The following TTN variants were observed in gnomAD, a reference collection of about 807,000 sequenced individuals.
TTN encodes titin, also known as connectin.
TTN carries 1,525 observed loss-of-function variants against 3,223.0 expected under a neutral mutation model. That is an observed-to-expected ratio of 0.47 (90% confidence interval 0.45 to 0.49). TTN has a LOEUF of 0.49. TTN is among the 20% of genes least tolerant of loss of function. The pLI is 0.00. For synonymous variants in TTN, 14,094 were observed against 15,161.0 expected (o/e 0.93, Z 5.17); for missense variants, 40,786 against 43,424.0 (o/e 0.94, Z 5.40).
chr2:178,612,966 A>T lies in TTN; in HGVS notation c.49755T>A (p.Ser16585=). 6.2e-7 allele frequency: 1 copy of T among 1,612,710 alleles called. No individual in the cohort carries two copies. Among genetic ancestry groups the T allele is most frequent in the Non-Finnish European group, 8.5e-7 (1 of 1,179,252 alleles). Residue 16585 remains serine (S), a synonymous_variant, in exon 265 of 363, where the codon TCT becomes TCA. Transcript: ENST00000589042. ...CAGTCTTCAGCATTTCAATGACATA[A>T]GACTCAATCTTTGCACCTCCATCAT... is the stretch of plus-strand genomic sequence containing the variant. ...PEHDGGAKIE[S]YVIEMLKTGT...
chr2:178,571,218 C>T lies in TTN; in HGVS notation c.74914G>A (p.Gly24972Ser). ...TCATATTCAACACCTTCTTCAAGGC[C>T]AGTTGTCTTAAACTTGGTTTGAGGA... is the stretch of plus-strand genomic sequence containing the variant. ...PIPQTKFKTT[G>S]LEEGVEYEFR... Residue 24972 changes from glycine (G) to serine (S), a missense_variant, in exon 326 of 363, where the codon GGC becomes AGC. Transcript: ENST00000589042. 1 of 1,613,548 alleles carries T rather than the reference C, an allele frequency of 6.2e-7. No individual in the cohort carries two copies. Among genetic ancestry groups the T allele is most frequent in the Non-Finnish European group, 8.5e-7 (1 of 1,179,634 alleles).
At chr2:178,731,613 T>C (rs1276609307) in intron 58 of TTN, 30 bp from the exon 59 acceptor site, 3 of 1,577,742 alleles carry the variant, frequency 1.9e-6, no homozygotes, top group Non-Finnish European at 1.7e-6. Flanking sequence ...TCAATCAATA[T>C]TATCCCTATA....
At chr2:178,775,230 G>C in intron 28 of TTN, 28 bp from the exon 29 acceptor site, 1 of 1,613,362 alleles carries the variant, frequency 6.2e-7, no homozygotes, top group South Asian at 1.1e-5. Context: ...GGGAAAAAGG[G>C]GAGAGCACAT....
At chr2:178,698,420 T>C (rs1448209778) in intron 112 of TTN, among the ~76,000 whole-genome samples, 1 of 152,228 alleles carries the variant, frequency 6.6e-6, no homozygotes, top group Non-Finnish European at 1.5e-5. Flanking sequence ...AGGTGATGGA[T>C]ATGTTAATTG....
rs1176494176 is a variant in TTN, at chr2:178,789,362, T to C, written c.2074A>G (p.Lys692Glu). 6.2e-6 allele frequency: 10 copies of C among 1,613,290 alleles called. No homozygotes were observed. Among genetic ancestry groups the C allele is most frequent in the Non-Finnish European group, 8.5e-6 (10 of 1,179,362 alleles). The change falls in exon 13 of 363, where the codon AAG (lysine) becomes GAG (glutamate). Residue 692 changes from lysine to glutamate, a missense_variant and splice_region_variant. Coordinates refer to ENST00000589042, the MANE Select transcript of TTN (RefSeq NM_001267550.2). ...ACACTTGGAACAACAATAGTCACCTTTCCATGGGTAACTTGGATTTGTTCT... is the reference window on the plus strand; with the variant it reads ...ACACTTGGAACAACAATAGTCACCTCTCCATGGGTAACTTGGATTTGTTCT... ...RQEQIQVTHG[K>E]VDVGKKAEAV...
At position 178,532,691 on chromosome 2, in the gene TTN, GAGA is replaced by G. The variant is rs774574734; in HGVS notation, c.103921_103923del (p.Ser34641del). ...GGTCGGTAGTAAAAGTCATAATCAGGAGAAGGTGTACGCCGGCGGGCTGGTCTC... is the reference window on the plus strand; with the variant it reads ...GGTCGGTAGTAAAAGTCATAATCAGGAGGTGTACGCCGGCGGGCTGGTCTC... On this transcript the variant is annotated inframe_deletion, in exon 358 of 363. Transcript: ENST00000589042. 6 of 1,613,798 alleles carry G rather than the reference GAGA, an allele frequency of 3.7e-6. No individual in the cohort carries two copies. The highest frequency in any genetic ancestry group is 5.1e-6 in the Non-Finnish European group (6 of 1,179,732).
Position 178,784,317 on chromosome 2 carries a change from T to C in TTN, c.2528A>G (p.Gln843Arg). 1.2e-6 allele frequency: 2 copies of C among 1,614,106 alleles called. No homozygotes were observed. The highest frequency in any genetic ancestry group is 1.7e-6 in the Non-Finnish European group (2 of 1,179,998). ...SIAGSAIATL[Q>R]KELSATSSAQ... ...AGAAGATGTGGCTGACAACTCTTTT[T>C]GTAATGTGGCAATAGCACTACCGGC... Residue 843 changes from glutamine to arginine, a missense_variant, in exon 16 of 363, where the codon CAA becomes CGA. By Grantham distance (43) the Gln-to-Arg change is conservative (BLOSUM62 1). Coordinates refer to ENST00000589042, the MANE Select transcript of TTN (RefSeq NM_001267550.2).
chr2:178,635,703 T>C lies in TTN; in HGVS notation c.41621A>G (p.Asp13874Gly). ...SCVKVVEVIR[D>G]WLVKPIRDQH... Reference sequence around the variant, plus strand: ...GTCTCGTATAGGTTTCACCAGCCAATCTCTAATGACTTCTATATGAAAATA... The same window carrying C: ...GTCTCGTATAGGTTTCACCAGCCAACCTCTAATGACTTCTATATGAAAATA... Residue 13874 changes from aspartate to glycine, a missense_variant, in exon 227 of 363, where the codon GAT (aspartate) becomes GGT (glycine). Asp to Gly is a moderately conservative substitution (Grantham distance 94, BLOSUM62 -1). Transcript: ENST00000589042. 1 of 1,600,572 alleles carries C rather than the reference T, an allele frequency of 6.2e-7. No homozygotes were observed. Among genetic ancestry groups the C allele is most frequent in the Non-Finnish European group, 8.5e-7 (1 of 1,173,276 alleles).
rs762702501 is a variant in TTN, at chr2:178,572,576, GTATCGAGAACTC to G, written c.73544_73555del (p.Arg24515_Asp24518del). The G allele has an allele frequency of 6.2e-7, 1 of 1,613,420 alleles. No homozygotes were observed. Among genetic ancestry groups the G allele is most frequent in the African/African-American group, 1.3e-5 (1 of 74,996 alleles). ...CTTCAGATCCTGTGGGGGGCCTGGTGTATCGAGAACTCTAACATTGACAAATGCAGACTTGCT... is the reference window on the plus strand; with the variant it reads ...CTTCAGATCCTGTGGGGGGCCTGGTGTAACATTGACAAATGCAGACTTGCT... On this transcript the variant is annotated inframe_deletion, in exon 326 of 363. Coordinates refer to ENST00000589042, the MANE Select transcript of TTN (RefSeq NM_001267550.2).
At position 178,727,247 on chromosome 2, in the gene TTN, A is replaced by T; in HGVS notation, c.20118T>A (p.His6706Gln). 6.2e-7 allele frequency: 1 copy of T among 1,613,220 alleles called. No individual in the cohort carries two copies. Among genetic ancestry groups the T allele is most frequent in the Non-Finnish European group, 8.5e-7 (1 of 1,179,434 alleles). ...EIRVVWFRNE[H>Q]ELPASDKYRM... The stretch of plus-strand genomic sequence containing the variant: ...TGTACTTATCACTGGCTGGAAGTTC[A>T]TGTTCATTTCGGAACCACACAACTC... The change falls in exon 69 of 363, where the codon CAT (histidine) becomes CAA (glutamine). Residue 6706 changes from histidine (H) to glutamine (Q), a missense_variant. By Grantham distance (24) the His-to-Gln change is conservative. Transcript: ENST00000589042.
Position 178,566,564 on chromosome 2 carries a change from A to G in TTN, c.79568T>C (p.Val26523Ala). 6.2e-7 allele frequency: 1 copy of G among 1,613,018 alleles called. No individual in the cohort carries two copies. The highest frequency in any genetic ancestry group is 8.5e-7 in the Non-Finnish European group (1 of 1,179,688). The change falls in exon 326 of 363, where the codon GTA becomes GCA. Residue 26523 changes from valine (V) to alanine (A), a missense_variant. Transcript: ENST00000589042. ...YDGGSEILGYVVEICKADEEE... is the reference protein window; with the variant it reads ...YDGGSEILGYAVEICKADEEE... ...TTCATCTGCTTTACAGATTTCTACT[A>G]CATATCCCAAGATCTCACTGCCGCC... is the stretch of plus-strand genomic sequence containing the variant.
chr2:178,799,442 A>G, intron 6 of TTN, 45 bp downstream of exon 6: 2 of 1,613,220 alleles, frequency 1.2e-6, no homozygotes, highest in African/African-American at 1.3e-5. Context: ...TTCAAAACCT[A>G]GTTCCAAAAT....
At chr2:178,738,862 G>A (rs2081987740) in intron 48 of TTN, among the ~76,000 whole-genome samples, 1 of 152,098 alleles carries the variant, frequency 6.6e-6, no homozygotes, top group Non-Finnish European at 1.5e-5. Context: ...ATCTTCATAT[G>A]AAAATTAACT....
rs1008595479 is a variant in TTN, at chr2:178,739,387, C to G, written c.13846G>C (p.Val4616Leu). The change falls in exon 48 of 363, where the codon GTT (valine) becomes CTT (leucine). Residue 4616 changes from valine (V) to leucine (L), a missense_variant. By Grantham distance (32) the Val-to-Leu change is conservative (BLOSUM62 1). Transcript: ENST00000589042. ...PMIHTPLVDT[V>L]SEEGDIVHLT... ...TGTACAATATCACCTTCCTCAGAAA[C>G]AGTGTCCACTAAAGGTGTATGTATC... 1 of 1,613,870 alleles carries G rather than the reference C, an allele frequency of 6.2e-7. No homozygotes were observed. Among genetic ancestry groups the G allele is most frequent in the Non-Finnish European group, 8.5e-7 (1 of 1,179,824 alleles).
chr2:178,735,107 T>G (rs2081224602), intron 50 of TTN, 119 bp from the exon 51 acceptor site: 1 of 1,175,632 alleles, frequency 8.5e-7, no homozygotes, highest in African/African-American at 1.6e-5. Flanking sequence ...CCACAAAATT[T>G]CTGTAAAAGC....
intron 131 of TTN, 116 bp downstream of exon 131, chr2:178,684,550 C>A: frequency 7.4e-7 from 1 of 1,347,878 alleles, no homozygotes; most frequent in Non-Finnish European, 1.0e-6. Context: ...ATACTCTACC[C>A]AAAGACACCA....
In TTN at chr2:178,555,003, G is replaced by T; in HGVS notation, c.88456C>A (p.Leu29486Met). 1 of 1,613,662 alleles carries T rather than the reference G, an allele frequency of 6.2e-7. No individual in the cohort carries two copies. Among genetic ancestry groups the T allele is most frequent in the Non-Finnish European group, 8.5e-7 (1 of 1,179,774 alleles). ...TCCGTGGTATTTTCAACACACACCA[G>T]TGCATTGGTTTGTAATTCTTTATCA... ...KDDKELQTNA[L>M]VCVENTTDLA... The change falls in exon 331 of 363, where the codon CTG (leucine) becomes ATG (methionine). Residue 29486 changes from leucine (L) to methionine (M), a missense_variant. Leu to Met is a conservative substitution (Grantham distance 15). Transcript: ENST00000589042.
chr2:178,784,511 C>T (rs1269129602), intron 15 of TTN, among the ~76,000 whole-genome samples, 160 bp from the exon 16 acceptor site: 1 of 152,104 alleles, frequency 6.6e-6, no homozygotes, highest in East Asian at 1.9e-4. Flanking sequence ...TAGAGATAAG[C>T]CAATTATAAA....
chr2:178,711,025 T>G, intron 97 of TTN, 37 bp downstream of exon 97: 1 of 1,549,276 alleles, frequency 6.5e-7, no homozygotes, highest in Non-Finnish European at 8.7e-7. Context: ...ATTATAATAC[T>G]TTAATTCTAG....
Sources: gnomAD v4.1 joint callset for allele counts (sites outside exome capture counted in the v4.1 genomes callset) on GRCh38, gnomAD v4.1.1 for gene constraint, MANE v1.5 for transcripts, NCBI Gene and HGNC (gene_info 2026-07-23, HGNC 2026-07-21) for gene names.